The following UPP2 variants were observed in gnomAD, a reference collection of about 807,000 sequenced individuals.
UPP2 encodes UPase 2.
Under a neutral mutation model 26.7 loss-of-function variants are expected in UPP2, and 23 were observed. The observed-to-expected ratio is 0.86, with a 90% CI of 0.62 to 1.22. UPP2 has a LOEUF of 1.22. Among genes scored for constraint, UPP2 ranks in the 50% most tolerant of loss-of-function variants. UPP2 has a pLI of 0.00. For missense variants in UPP2, 387 were observed against 396.7 expected, an observed-to-expected ratio of 0.98 and a Z score of 0.21; for synonymous variants, 127 against 141.3, an observed-to-expected ratio of 0.90 and a Z score of 0.72.
At chr2:158,115,651 C>T (rs1176011807) in intron 3 of UPP2, among the ~76,000 whole-genome samples, 1 of 152,144 alleles carries the variant, frequency 6.6e-6, no homozygotes. Context: ...TGTTTAACAC[C>T]ATAATAAGCT....
chr2:158,113,879 T>C (rs1683368917), intron 2 of UPP2, among the ~76,000 whole-genome samples: 1 of 152,156 alleles, frequency 6.6e-6, no homozygotes, highest in South Asian at 2.1e-4. Flanking sequence ...ACAGGAAAAG[T>C]AACAAGCTCA....
chr2:158,090,315 C>A (rs1682889490), intron 3 of UPP2, among the ~76,000 whole-genome samples: 1 of 152,252 alleles, frequency 6.6e-6, no homozygotes, highest in Non-Finnish European at 1.5e-5. Context: ...TCCTGGCTAA[C>A]ACGGTGAAAC....
intron 3 of UPP2, among the ~76,000 whole-genome samples, chr2:158,018,154 T>C (rs1000523860): frequency 6.6e-6 from 1 of 152,224 alleles, no homozygotes; most frequent in East Asian, 1.9e-4. Flanking sequence ...GCCTCTCGTA[T>C]GTGGTGTCAT....
At chr2:158,134,040 AAT>A (rs1683878747) in intron 6 of UPP2, 1 of 152,222 alleles carries the variant, frequency 6.6e-6, no homozygotes, top group African/African-American at 2.4e-5. Context: ...ACTTTTCAAA[AAT>A]AAGAGTTTCA....
intron 2 of UPP2, among the ~76,000 whole-genome samples, 178 bp downstream of exon 2, chr2:158,106,394 A>G (rs756436551): frequency 6.6e-5 from 10 of 152,196 alleles, no homozygotes; most frequent in Non-Finnish European, 1.5e-4. Context: ...TTTCCACCTC[A>G]ACAAGACATA....
At chr2:158,042,369 T>C (rs962200066) in intron 3 of UPP2, among the ~76,000 whole-genome samples, 10 of 151,774 alleles carry the variant, frequency 6.6e-5, no homozygotes, top group African/African-American at 1.5e-4. Flanking sequence ...TCCCCTGACA[T>C]GTCTAGAAGG....
intron 3 of UPP2, among the ~76,000 whole-genome samples, chr2:158,088,813 C>T (rs1682859819): frequency 6.6e-6 from 1 of 152,236 alleles, no homozygotes; most frequent in Non-Finnish European, 1.5e-5. Flanking sequence ...AGTGTCCGCA[C>T]AGAGTCCTGT....
At chr2:158,117,441 AT>A (rs1683463583) in intron 3 of UPP2, among the ~76,000 whole-genome samples, 1 of 152,014 alleles carries the variant, frequency 6.6e-6, no homozygotes, top group Non-Finnish European at 1.5e-5. Flanking sequence ...CCAAAATTAT[AT>A]TTCCTCAAAA....
chr2:158,015,366 C>T (rs1683641485), intron 2 of UPP2, among the ~76,000 whole-genome samples: 1 of 152,156 alleles, frequency 6.6e-6, no homozygotes, highest in South Asian at 2.1e-4. Flanking sequence ...CTTATTTCAC[C>T]TAACATGATA....
intron 3 of UPP2, among the ~76,000 whole-genome samples, chr2:158,078,320 A>G (rs185688847): frequency 1.0e-3 from 153 of 152,294 alleles, no homozygotes; most frequent in Non-Finnish European, 1.2e-3. Flanking sequence ...TATTGAAGAA[A>G]GATTTGTACT....
At chr2:158,090,326 C>T (rs370018194) in intron 3 of UPP2, among the ~76,000 whole-genome samples, 9 of 152,082 alleles carry the variant, frequency 5.9e-5, no homozygotes. Flanking sequence ...ACGGTGAAAC[C>T]CTGTCTCTAC....
exon 3 of UPP2, chr2:158,015,810 C>T (rs1324685257): frequency 2.2e-6 from 1 of 453,688 alleles, no homozygotes; most frequent in Admixed American, 2.4e-5. Flanking sequence ...GATGTGCCTG[C>T]TTCCCCTTCA....
At chr2:158,066,315 T>C (rs1682434031) in intron 3 of UPP2, among the ~76,000 whole-genome samples, 1 of 152,256 alleles carries the variant, frequency 6.6e-6, no homozygotes, top group South Asian at 2.1e-4. Context: ...GCCTGTCGTT[T>C]GTACCAACTG....
chr2:158,088,155 C>T (rs779414021), intron 3 of UPP2, among the ~76,000 whole-genome samples: 10 of 152,188 alleles, frequency 6.6e-5, no homozygotes, highest in Non-Finnish European at 1.3e-4. Flanking sequence ...CAATCCCGTA[C>T]TTCTTGGAGG....
chr2:158,023,050 T>C (rs1683777130), intron 3 of UPP2, among the ~76,000 whole-genome samples: 1 of 147,982 alleles, frequency 6.8e-6, no homozygotes, highest in Admixed American at 6.8e-5. Context: ...TTCTTACAGG[T>C]ATCTCAGCAC....
At chr2:158,011,409 T>C (rs1382414850) in intron 2 of UPP2, among the ~76,000 whole-genome samples, 5 of 148,834 alleles carry the variant, frequency 3.4e-5, no homozygotes, top group Admixed American at 2.0e-4. Context: ...CTTTACAGTT[T>C]CCAGGCTCAC....
At chr2:158,081,512 C>T (rs1261949626) in intron 3 of UPP2, among the ~76,000 whole-genome samples, 1 of 152,156 alleles carries the variant, frequency 6.6e-6, no homozygotes, top group Non-Finnish European at 1.5e-5. Context: ...GAGATAGCTG[C>T]ACTCCCATGT....
intron 3 of UPP2, among the ~76,000 whole-genome samples, chr2:158,076,104 C>T (rs1287435078): frequency 6.6e-6 from 1 of 151,612 alleles, no homozygotes; most frequent in Non-Finnish European, 1.5e-5. Context: ...AGACATATAC[C>T]ACCTAACAAG....
intron 3 of UPP2, among the ~76,000 whole-genome samples, chr2:158,051,178 TG>T (rs1682150765): frequency 6.6e-6 from 1 of 150,610 alleles, no homozygotes; most frequent in Non-Finnish European, 1.5e-5. Context: ...TGTGTGTGTG[TG>T]TGTGTGTGTG....
Sources: gnomAD v4.1 joint callset for allele counts (sites outside exome capture counted in the v4.1 genomes callset) on GRCh38, gnomAD v4.1.1 for gene constraint, MANE v1.5 for transcripts, NCBI Gene and HGNC (gene_info 2026-07-23, HGNC 2026-07-21) for gene names.